CFTR: variants seen among roughly 807,000 people sequenced by gnomAD.
CFTR encodes cystic fibrosis transmembrane conductance regulator.
In CFTR, 181 loss-of-function variants were observed where a neutral mutation model predicts 171.6. The observed-to-expected ratio is 1.05, with a 90% CI of 0.93 to 1.19. The LOEUF (loss-of-function observed/expected upper bound fraction) is 1.19. Among genes scored for constraint, CFTR ranks in the 50% most tolerant of loss-of-function variants. The probability of loss-of-function intolerance (pLI) is 0.00; values close to 1 mark genes in which losing one functional copy is unlikely to be tolerated. For synonymous variants in CFTR, 583 were observed against 608.0 expected (o/e 0.96, Z 0.60); for missense variants, 1,968 against 1,734.7 (o/e 1.13, Z -2.39).
intron 17 of CFTR, among the ~76,000 whole-genome samples, chr7:117,605,969 A>G (rs1028291658): frequency 6.6e-6 from 1 of 152,224 alleles, no homozygotes; most frequent in African/African-American, 2.4e-5. Flanking sequence ...TCCTGTCTAG[A>G]CAATGAATTC....
At chr7:117,587,634 A>G in intron 11 of CFTR, 105 bp from the exon 12 acceptor site, 1 of 717,570 alleles carries the variant, frequency 1.4e-6, no homozygotes, top group Non-Finnish European at 2.5e-6. Context: ...AACTGTGGTT[A>G]AAGCAATAGT....
At chr7:117,557,062 A>C (rs1380609904) in intron 10 of CFTR, among the ~76,000 whole-genome samples, 1 of 151,988 alleles carries the variant, frequency 6.6e-6, no homozygotes. Flanking sequence ...TTTTTTAAAA[A>C]GCTGTGCATT....
At chr7:117,592,693 A>G in intron 14 of CFTR, 36 bp downstream of exon 14, 1 of 1,478,248 alleles carries the variant, frequency 6.8e-7, no homozygotes, top group Non-Finnish European at 8.9e-7. Flanking sequence ...TTCACCCCAC[A>G]GAATGCAATT....
chr7:117,601,125 A>G (rs1792217517), intron 15 of CFTR, among the ~76,000 whole-genome samples: 1 of 152,106 alleles, frequency 6.6e-6, no homozygotes, highest in Non-Finnish European at 1.5e-5. Flanking sequence ...ACACTCCTCT[A>G]GTTAGAACAA....
intron 6 of CFTR, 51 bp from the exon 7 acceptor site, chr7:117,536,496 TG>T: frequency 6.6e-7 from 1 of 1,523,966 alleles, no homozygotes; most frequent in Non-Finnish European, 8.9e-7. Context: ...ATAGATAATT[TG>T]ACTTGTTTTT....
chr7:117,525,829 T>C (rs1478386623), intron 3 of CFTR, among the ~76,000 whole-genome samples: 2 of 147,696 alleles, frequency 1.4e-5, no homozygotes, highest in Non-Finnish European at 3.0e-5. Flanking sequence ...GTCTTGACTC[T>C]TTATCCAATT....
intron 11 of CFTR, among the ~76,000 whole-genome samples, chr7:117,565,859 A>G (rs184460487): frequency 6.6e-6 from 1 of 152,260 alleles, no homozygotes; most frequent in East Asian, 1.9e-4. Context: ...AGAAGTATGA[A>G]AAAGCTTGGG....
At chr7:117,603,823 A>G in intron 17 of CFTR, 41 bp downstream of exon 17, 1 of 1,608,030 alleles carries the variant, frequency 6.2e-7, no homozygotes, top group East Asian at 2.2e-5. Context: ...CTGATCCACC[A>G]TCAATAGGGC....
intron 10 of CFTR, among the ~76,000 whole-genome samples, chr7:117,550,824 G>C (rs571381738): frequency 6.6e-6 from 1 of 152,312 alleles, no homozygotes; most frequent in East Asian, 1.9e-4. Context: ...GGCAGAGTTA[G>C]AGGAAGGCAG....
intron 10 of CFTR, among the ~76,000 whole-genome samples, chr7:117,557,184 C>T (rs1023121625): frequency 5.9e-5 from 9 of 151,882 alleles, no homozygotes; most frequent in African/African-American, 1.9e-4. Flanking sequence ...TCCTCTTTGA[C>T]CTAAGATATC....
At chr7:117,580,193 A>G (rs968645158) in intron 11 of CFTR, among the ~76,000 whole-genome samples, 2 of 152,100 alleles carry the variant, frequency 1.3e-5, no homozygotes, top group African/African-American at 4.8e-5. Context: ...ATATGCAGCA[A>G]AAAAGGTTTT....
intron 6 of CFTR, 62 bp downstream of exon 6, chr7:117,535,473 A>G: frequency 2.1e-6 from 3 of 1,461,022 alleles, no homozygotes; most frequent in Non-Finnish European, 2.9e-6. Context: ...AGCCCACTTT[A>G]GTAAAACCAG....
chr7:117,621,745 T>C (rs1176154527), intron 21 of CFTR, among the ~76,000 whole-genome samples: 1 of 152,202 alleles, frequency 6.6e-6, no homozygotes, highest in African/African-American at 2.4e-5. Flanking sequence ...TGCAAATTCT[T>C]TTGAAATATT....
At chr7:117,575,942 A>G (rs902776459) in intron 11 of CFTR, among the ~76,000 whole-genome samples, 2 of 152,026 alleles carry the variant, frequency 1.3e-5, no homozygotes, top group Non-Finnish European at 2.9e-5. Flanking sequence ...ACTTTTATCC[A>G]TATTTTTCTT....
At position 117,563,281 on chromosome 7, in the gene CFTR, C is replaced by CTAT. The variant is rs562493219; in HGVS notation, c.1584+3637_1584+3639dup. 1.3e-3 allele frequency among the ~76,000 whole-genome samples: 194 copies of CTAT among 151,894 alleles called. 1 individual carries two copies. The highest frequency in any genetic ancestry group is 4.6e-3 in the African/African-American group (192 of 41,390). ...GCATATATAATAGAAAATAAAACAG[C>CTAT]TATTATTATTATTGTTGATGGTACT... On this transcript the variant is annotated intron_variant, in intron 11 of 26. Coordinates refer to ENST00000003084, the MANE Select transcript of CFTR (RefSeq NM_000492.4).
chr7:117,604,338 A>G (rs1303332437), intron 17 of CFTR, among the ~76,000 whole-genome samples: 1 of 152,174 alleles, frequency 6.6e-6, no homozygotes, highest in African/African-American at 2.4e-5. Context: ...AATTTTAAAA[A>G]CTAATAAGGT....
chr7:117,614,695 C>T lies in CFTR; in HGVS notation c.3450C>T (p.Ser1150=). The change falls in exon 21 of 27, where the codon AGC becomes AGT. Residue 1150 remains serine (S), a synonymous_variant. Coordinates refer to ENST00000003084, the MANE Select transcript of CFTR (RefSeq NM_000492.4). ...MSTLQWAVNS[S]IDVDSLMRSV... is the part of the protein sequence containing the mutation. ...CATTGCAGTGGGCTGTAAACTCCAGCATAGATGTGGATAGCTTGGTAAGTC... is the reference window on the plus strand; with the variant it reads ...CATTGCAGTGGGCTGTAAACTCCAGTATAGATGTGGATAGCTTGGTAAGTC... The T allele has an allele frequency of 6.2e-7, 1 of 1,610,502 alleles. No individual in the cohort carries two copies. Among genetic ancestry groups the T allele is most frequent in the Non-Finnish European group, 8.5e-7 (1 of 1,177,080 alleles).
At chr7:117,652,336 T>A (rs950537252) in intron 23 of CFTR, among the ~76,000 whole-genome samples, 3 of 152,182 alleles carry the variant, frequency 2.0e-5, no homozygotes, top group Admixed American at 2.0e-4. Context: ...GGTTTATAGA[T>A]GAGATAAATG....
intron 23 of CFTR, among the ~76,000 whole-genome samples, chr7:117,645,514 C>G (rs550101816): frequency 2.6e-5 from 4 of 152,300 alleles, no homozygotes; most frequent in African/African-American, 9.6e-5. Flanking sequence ...TTATGAAAGG[C>G]CAGCTCCCAA....
Sources: gnomAD v4.1 joint callset for allele counts (sites outside exome capture counted in the v4.1 genomes callset) on GRCh38, gnomAD v4.1.1 for gene constraint, MANE v1.5 for transcripts, NCBI Gene and HGNC (gene_info 2026-07-23, HGNC 2026-07-21) for gene names.